TBC1D22A: variants seen among roughly 807,000 people sequenced by gnomAD.
The protein encoded by TBC1D22A is putative GTPase activator.
In TBC1D22A, 38 loss-of-function variants were observed where a neutral mutation model predicts 60.2. The ratio of observed to expected loss-of-function variants is 0.63; its 90% CI spans 0.49 to 0.83. The LOEUF (loss-of-function observed/expected upper bound fraction) is 0.83. TBC1D22A is among the 40% of genes least tolerant of loss of function. TBC1D22A has a pLI of 0.00. For missense variants in TBC1D22A, 628 were observed against 701.0 expected, an observed-to-expected ratio of 0.90 and a Z score of 1.18; for synonymous variants, 302 against 281.7, an observed-to-expected ratio of 1.07 and a Z score of -0.72.
intron 8 of TBC1D22A, among the ~76,000 whole-genome samples, chr22:46,951,091 G>A (rs2072875561): frequency 6.6e-6 from 1 of 152,128 alleles, no homozygotes; most frequent in South Asian, 2.1e-4. Flanking sequence ...GTGGCATTGG[G>A]CCTACCTAAC....
At chr22:46,893,475 G>C (rs560819414) in intron 6 of TBC1D22A, among the ~76,000 whole-genome samples, 1 of 152,174 alleles carries the variant, frequency 6.6e-6, no homozygotes, top group Non-Finnish European at 1.5e-5. Flanking sequence ...ATGCTGCCTC[G>C]TCTGCTCAAT....
chr22:47,140,553 CAA>C (rs940877057), intron 12 of TBC1D22A, among the ~76,000 whole-genome samples: 37 of 69,796 alleles, frequency 5.3e-4, no homozygotes, highest in Admixed American at 4.9e-4. Context: ...GACTCTGTCT[CAA>C]AAAAAAAAAA....
rs572154752 is a variant in TBC1D22A at position 46,957,817 on chromosome 22, C to T, written c.1016-16473C>T. On this transcript the variant is annotated intron_variant, in intron 8 of 12. Transcript: ENST00000337137. ...ACACCTCTTGCAGCCACCCAGCACC[C>T]AGTTTGCCTCCTCGAGGGGAGGGAC... 1.8e-4 allele frequency among the ~76,000 whole-genome samples: 27 copies of T among 152,340 alleles called. 1 individual carries two copies. The highest frequency in any genetic ancestry group is 3.4e-3 in the Middle Eastern group (1 of 294).
At chr22:46,817,208 A>G (rs1186291263) in intron 4 of TBC1D22A, among the ~76,000 whole-genome samples, 1 of 151,706 alleles carries the variant, frequency 6.6e-6, no homozygotes, top group African/African-American at 2.4e-5. Flanking sequence ...GTATTGGATG[A>G]GTCCAATTCC....
chr22:46,853,466 C>T (rs977635712), intron 4 of TBC1D22A, among the ~76,000 whole-genome samples: 16 of 152,222 alleles, frequency 1.1e-4, no homozygotes, highest in Admixed American at 7.2e-4. Flanking sequence ...TCTGTGCCCA[C>T]GTGGCTGGCC....
chr22:46,932,018 T>G (rs1285354796), intron 8 of TBC1D22A, among the ~76,000 whole-genome samples: 3 of 152,214 alleles, frequency 2.0e-5, no homozygotes, highest in Admixed American at 6.5e-5. Flanking sequence ...ATTGATTCAT[T>G]GTCGAGGAAT....
intron 8 of TBC1D22A, among the ~76,000 whole-genome samples, chr22:46,964,055 C>T (rs551158858): frequency 3.9e-5 from 6 of 152,342 alleles, no homozygotes; most frequent in East Asian, 1.9e-4. Flanking sequence ...GTGTGAGGGC[C>T]GGGCTCCTGC....
chr22:47,060,926 G>A (rs1231900594), intron 11 of TBC1D22A, among the ~76,000 whole-genome samples: 1 of 152,150 alleles, frequency 6.6e-6, no homozygotes, highest in Non-Finnish European at 1.5e-5. Flanking sequence ...ATATTTTATT[G>A]TCAGGGGCCT....
chr22:47,170,875 T>C (rs1439083108), intron 12 of TBC1D22A, among the ~76,000 whole-genome samples: 1 of 149,792 alleles, frequency 6.7e-6, no homozygotes, highest in African/African-American at 2.5e-5. Flanking sequence ...ACAGTCCTGG[T>C]GTGTAACCCT....
At chr22:46,995,292 C>T (rs2075083181) in intron 9 of TBC1D22A, among the ~76,000 whole-genome samples, 1 of 152,194 alleles carries the variant, frequency 6.6e-6, no homozygotes, top group Non-Finnish European at 1.5e-5. Flanking sequence ...TGGTTCTGCC[C>T]TCAGAGATGT....
At chr22:47,070,214 T>C (rs2063928826) in intron 11 of TBC1D22A, among the ~76,000 whole-genome samples, 1 of 150,856 alleles carries the variant, frequency 6.6e-6, no homozygotes, top group Non-Finnish European at 1.5e-5. Flanking sequence ...CCCCTGTTGT[T>C]TGGTTGGAGC....
intron 11 of TBC1D22A, among the ~76,000 whole-genome samples, chr22:47,094,955 G>C (rs575802857): frequency 3.9e-4 from 60 of 152,340 alleles, no homozygotes; most frequent in Admixed American, 1.8e-3. Context: ...TGGCAAAAGA[G>C]AACATGGGTG....
At chr22:46,984,738 A>G (rs144275496) in intron 9 of TBC1D22A, among the ~76,000 whole-genome samples, 66 of 152,372 alleles carry the variant, frequency 4.3e-4, no homozygotes, top group African/African-American at 1.6e-3. Context: ...TGACTAAATT[A>G]TCTCAGAACT....
chr22:46,945,927 A>G (rs150089780), intron 8 of TBC1D22A, among the ~76,000 whole-genome samples: 10 of 152,298 alleles, frequency 6.6e-5, no homozygotes, highest in East Asian at 5.8e-4. Context: ...TTTCTACTCA[A>G]TGCTGCAGAA....
At chr22:46,943,878 C>T (rs188232975) in intron 8 of TBC1D22A, among the ~76,000 whole-genome samples, 50 of 152,282 alleles carry the variant, frequency 3.3e-4, no homozygotes, top group African/African-American at 5.8e-4. Flanking sequence ...TATTGTAGCA[C>T]GCGTCAGTAC....
chr22:46,961,559 C>T (rs1180358278), intron 8 of TBC1D22A, among the ~76,000 whole-genome samples: 3 of 152,182 alleles, frequency 2.0e-5, no homozygotes, highest in Admixed American at 6.5e-5. Context: ...TCCAGATTTC[C>T]GTATGGCTTG....
intron 11 of TBC1D22A, among the ~76,000 whole-genome samples, chr22:47,071,824 T>A (rs930998622): frequency 1.3e-5 from 2 of 152,198 alleles, no homozygotes; most frequent in African/African-American, 4.8e-5. Context: ...CAGACATCAA[T>A]CTTGTTATTC....
intron 12 of TBC1D22A, among the ~76,000 whole-genome samples, chr22:47,157,360 G>C (rs907544888): frequency 2.0e-5 from 3 of 152,224 alleles, no homozygotes; most frequent in African/African-American, 7.2e-5. Context: ...TCAAGTTCGT[G>C]ACTGCAGACT....
At chr22:47,005,040 C>T (rs1416299872) in intron 10 of TBC1D22A, among the ~76,000 whole-genome samples, 1 of 151,562 alleles carries the variant, frequency 6.6e-6, no homozygotes, top group Non-Finnish European at 1.5e-5. Flanking sequence ...CAGGCCTATA[C>T]ACACCCACCA....
Sources: allele counts gnomAD v4.1 joint callset (sites outside exome capture counted in the v4.1 genomes callset), GRCh38; gene constraint gnomAD v4.1.1; transcripts MANE v1.5; gene names NCBI Gene and HGNC (gene_info 2026-07-23, HGNC 2026-07-21).